The following ZCCHC24 variants were observed in gnomAD, a reference collection of about 807,000 sequenced individuals.
The protein encoded by ZCCHC24 is zinc finger CCHC domain-containing protein 24.
In ZCCHC24, 10 loss-of-function variants were observed where a neutral mutation model predicts 26.2. The ratio of observed to expected loss-of-function variants is 0.38; its 90% CI spans 0.24 to 0.65. The LOEUF is 0.65. Ranked by LOEUF, ZCCHC24 falls within the 30% of genes least tolerant of loss-of-function variation. The pLI is 0.54. For missense variants in ZCCHC24, 243 were observed against 329.1 expected, an observed-to-expected ratio of 0.74 and a Z score of 2.03; for synonymous variants, 144 against 147.1, an observed-to-expected ratio of 0.98 and a Z score of 0.15.
At chr10:79,444,159 C>G (rs1247019251) in intron 1 of ZCCHC24, 2 of 1,543,992 alleles carry the variant, frequency 1.3e-6, no homozygotes, top group Non-Finnish European at 8.7e-7. Context: ...CCCGAACACA[C>G]CTCTTGCATC....
At chr10:79,428,491 A>AATTTC (rs200871859) in intron 2 of ZCCHC24, among the ~76,000 whole-genome samples, 2 of 136,924 alleles carry the variant, frequency 1.5e-5, no homozygotes, top group East Asian at 2.0e-4. Flanking sequence ...TTGCAAGATA[A>AATTTC]AAAGAGCTCT....
intron 2 of ZCCHC24, among the ~76,000 whole-genome samples, chr10:79,401,876 G>T (rs1240823773): frequency 1.3e-5 from 2 of 152,248 alleles, no homozygotes; most frequent in Admixed American, 6.5e-5. Flanking sequence ...CCCCTGTCCT[G>T]CCCGGTCTGC....
intron 1 of ZCCHC24, chr10:79,444,107 T>C (rs910553256): frequency 6.5e-7 from 1 of 1,535,042 alleles, no homozygotes; most frequent in Non-Finnish European, 8.8e-7. Context: ...CTCACCGGTG[T>C]GCCCAGGTCT....
At chr10:79,434,385 T>G (rs1857186020) in intron 1 of ZCCHC24, among the ~76,000 whole-genome samples, 1 of 152,136 alleles carries the variant, frequency 6.6e-6, no homozygotes, top group African/African-American at 2.4e-5. Context: ...CAGTCCACCT[T>G]GAGAAGCAGA....
intron 2 of ZCCHC24, among the ~76,000 whole-genome samples, chr10:79,429,818 T>C (rs1012880170): frequency 6.6e-6 from 1 of 152,178 alleles, no homozygotes; most frequent in African/African-American, 2.4e-5. Context: ...ACTATTTCAT[T>C]TGTGACACAG....
rs544746538 is a variant in ZCCHC24 at position 79,388,491 on chromosome 10, C to A, written c.613-2033G>T. Reference sequence around the variant, plus strand: ...AAGACTTCCCACCTTGAGTTAGAATCTGGGTCCCTGTCACCTCATCCTGGA... The same window carrying A: ...AAGACTTCCCACCTTGAGTTAGAATATGGGTCCCTGTCACCTCATCCTGGA... On this transcript the variant is annotated intron_variant, in intron 3 of 3. Transcript: ENST00000372336. Among the ~76,000 whole-genome samples, 5 of 152,324 alleles carry A rather than the reference C, an allele frequency of 3.3e-5. No individual in the cohort carries two copies. In the South Asian group the frequency reaches 1.0e-3, roughly 32 times the overall value.
chr10:79,408,568 C>G (rs971507424), intron 2 of ZCCHC24, among the ~76,000 whole-genome samples: 2 of 152,178 alleles, frequency 1.3e-5, no homozygotes, highest in Admixed American at 6.5e-5. Context: ...CAGATGCAAC[C>G]CCGGCCCCCA....
At chr10:79,434,398 G>GT (rs1857186185) in intron 1 of ZCCHC24, among the ~76,000 whole-genome samples, 1 of 152,192 alleles carries the variant, frequency 6.6e-6, no homozygotes, top group South Asian at 2.1e-4. Flanking sequence ...GAAGCAGAGG[G>GT]TCCCCCGTCC....
At chr10:79,427,914 G>T (rs1275691816) in intron 2 of ZCCHC24, among the ~76,000 whole-genome samples, 2 of 152,096 alleles carry the variant, frequency 1.3e-5, no homozygotes, top group African/African-American at 4.8e-5. Context: ...TAGAAGGAAG[G>T]AAGGAAAAGA....
At chr10:79,440,819 C>G (rs1019538680) in intron 1 of ZCCHC24, among the ~76,000 whole-genome samples, 7 of 152,190 alleles carry the variant, frequency 4.6e-5, no homozygotes, top group Non-Finnish European at 1.0e-4. Context: ...ATTACTAATG[C>G]TGTCTGCTTT....
chr10:79,408,857 G>T (rs1231292899), intron 2 of ZCCHC24, among the ~76,000 whole-genome samples: 2 of 152,174 alleles, frequency 1.3e-5, no homozygotes, highest in Admixed American at 1.3e-4. Context: ...TCTGTGACCT[G>T]GGATAAGCCC....
chr10:79,407,771 C>T (rs1037467208), intron 2 of ZCCHC24, among the ~76,000 whole-genome samples: 1 of 152,232 alleles, frequency 6.6e-6, no homozygotes, highest in Non-Finnish European at 1.5e-5. Flanking sequence ...GAGTGGAGCG[C>T]AGGGCTCCTC....
At chr10:79,417,732 C>T (rs1049632647) in intron 2 of ZCCHC24, among the ~76,000 whole-genome samples, 4 of 152,070 alleles carry the variant, frequency 2.6e-5, no homozygotes, top group Admixed American at 1.3e-4. Context: ...GAAGGTGCTC[C>T]GTGAGCCAGG....
intron 2 of ZCCHC24, among the ~76,000 whole-genome samples, chr10:79,418,619 C>T (rs1223561690): frequency 2.0e-5 from 3 of 152,186 alleles, no homozygotes; most frequent in African/African-American, 7.2e-5. Flanking sequence ...GGCCATAGCA[C>T]AGGTGGAGTG....
At chr10:79,427,620 A>G (rs1387302499) in intron 2 of ZCCHC24, among the ~76,000 whole-genome samples, 1 of 127,904 alleles carries the variant, frequency 7.8e-6, no homozygotes, top group East Asian at 1.9e-4. Context: ...AGGGAAATAA[A>G]AAAAAAAAAT....
chr10:79,432,867 G>A, intron 1 of ZCCHC24, 109 bp from the exon 2 acceptor site: 2 of 1,222,442 alleles, frequency 1.6e-6, no homozygotes, highest in Non-Finnish European at 2.2e-6. Context: ...GCTACCCGAG[G>A]GCTCTGGGCT....
intron 2 of ZCCHC24, among the ~76,000 whole-genome samples, chr10:79,408,866 C>T (rs1856754574): frequency 6.6e-6 from 1 of 152,200 alleles, no homozygotes; most frequent in African/African-American, 2.4e-5. Context: ...TGGGATAAGC[C>T]CCTTCCCTGC....
chr10:79,431,220 C>T (rs1857122694), intron 2 of ZCCHC24, among the ~76,000 whole-genome samples: 1 of 152,208 alleles, frequency 6.6e-6, no homozygotes, highest in Non-Finnish European at 1.5e-5. Flanking sequence ...ATGGACTGCA[C>T]AGGCCATGAG....
chr10:79,434,141 T>C (rs1857182890), intron 1 of ZCCHC24, among the ~76,000 whole-genome samples: 1 of 152,178 alleles, frequency 6.6e-6, no homozygotes, highest in Admixed American at 6.5e-5. Flanking sequence ...CTCGTGTGCA[T>C]CTGGATCAGA....
Sources: gnomAD v4.1 joint callset for allele counts (sites outside exome capture counted in the v4.1 genomes callset) on GRCh38, gnomAD v4.1.1 for gene constraint, MANE v1.5 for transcripts, NCBI Gene and HGNC (gene_info 2026-07-23, HGNC 2026-07-21) for gene names.